MLIP: variants seen among roughly 807,000 people sequenced by gnomAD.
MLIP encodes muscular LMNA interacting protein.
A neutral mutation model predicts 84.8 loss-of-function variants in MLIP; 79 were observed. The ratio of observed to expected loss-of-function variants is 0.93; its 90% CI spans 0.78 to 1.12. The LOEUF is 1.12. MLIP is among the 50% of genes most tolerant of loss of function. The probability of loss-of-function intolerance (pLI) is 0.00; values close to 1 mark genes in which losing one functional copy is unlikely to be tolerated. For synonymous variants in MLIP, 504 were observed against 463.0 expected (o/e 1.09, Z -1.14); for missense variants, 1,257 against 1,160.6 (o/e 1.08, Z -1.21).
intron 5 of MLIP, among the ~76,000 whole-genome samples, chr6:54,156,679 A>G (rs1047220640): frequency 2.0e-5 from 3 of 152,082 alleles, no homozygotes; most frequent in African/African-American, 7.2e-5. Flanking sequence ...AAATCATATT[A>G]CTTCTATGAT....
chr6:54,096,446 GT>G (rs1768218354), intron 1 of MLIP, among the ~76,000 whole-genome samples: 1 of 152,022 alleles, frequency 6.6e-6, no homozygotes, highest in Non-Finnish European at 1.5e-5. Context: ...TGGTTGGCAG[GT>G]AGCATCCAAC....
rs905301066 is a variant in MLIP, at chr6:54,266,276, T to C, written c.*321T>C. The C allele has an allele frequency of 3.7e-6, 1 of 271,020 alleles. No homozygotes were observed. Among genetic ancestry groups the C allele is most frequent in the Non-Finnish European group, 6.8e-6 (1 of 146,590 alleles). The allele number at this position is 271,020 out of a possible 1,614,324, so 16.8% of individuals were successfully genotyped here. A position where few individuals can be genotyped will look rare whatever the true frequency, so the allele number is the denominator to read the frequency against. ...CAAATAAAGAAGAATCGTGGGTAAA[T>C]AGAAGAATGGCTGTGACTATTTTTC... is the stretch of plus-strand genomic sequence containing the variant. On this transcript the variant is annotated 3_prime_UTR_variant, in exon 14 of 14. Transcript: ENST00000502396.
chr6:54,190,914 G>A (rs1359146872), intron 10 of MLIP, among the ~76,000 whole-genome samples: 1 of 151,102 alleles, frequency 6.6e-6, no homozygotes, highest in Admixed American at 6.6e-5. Flanking sequence ...TCCTGCCTCA[G>A]CCTCCCGAGT....
At chr6:54,234,475 G>A (rs1405710829) in intron 12 of MLIP, among the ~76,000 whole-genome samples, 2 of 152,034 alleles carry the variant, frequency 1.3e-5, no homozygotes, top group Non-Finnish European at 2.9e-5. Context: ...CCCTTTGTAT[G>A]CAGAAGCCTA....
chr6:54,259,215 C>G (rs1783223173), intron 13 of MLIP, among the ~76,000 whole-genome samples: 2 of 151,674 alleles, frequency 1.3e-5, no homozygotes, highest in South Asian at 2.1e-4. Context: ...AAGTTAATAA[C>G]TTTTTGTCAA....
intron 1 of MLIP, among the ~76,000 whole-genome samples, chr6:54,049,426 C>T (rs1301294984): frequency 6.6e-6 from 1 of 152,150 alleles, no homozygotes; most frequent in Non-Finnish European, 1.5e-5. Flanking sequence ...TCACTTATTG[C>T]TGGTTCGTTA....
chr6:54,130,358 G>T (rs1379549351), intron 3 of MLIP, among the ~76,000 whole-genome samples: 2 of 152,070 alleles, frequency 1.3e-5, no homozygotes, highest in African/African-American at 4.8e-5. Flanking sequence ...TCAGAACTTG[G>T]CTGGGGAGGT....
chr6:54,133,583 T>A (rs973072007), intron 3 of MLIP, among the ~76,000 whole-genome samples: 1 of 152,200 alleles, frequency 6.6e-6, no homozygotes, highest in African/African-American at 2.4e-5. Context: ...TTCAAATGCT[T>A]TGAAATCTCA....
intron 1 of MLIP, among the ~76,000 whole-genome samples, chr6:54,041,716 A>G (rs528886767): frequency 3.3e-5 from 5 of 152,054 alleles, no homozygotes; most frequent in African/African-American, 4.8e-5. Context: ...TTCCATTTGT[A>G]TATCATTGCT....
chr6:54,217,917 G>A, intron 11 of MLIP: 3 of 985,364 alleles, frequency 3.0e-6, no homozygotes, highest in Non-Finnish European at 3.6e-6. Context: ...AAAGTATTAG[G>A]TACCAACCTC....
rs905335175 is a variant in MLIP at position 54,230,772 on chromosome 6, A to G, written c.2777A>G (p.Tyr926Cys). The change falls in exon 12 of 14, where the codon TAT becomes TGT. Residue 926 changes from tyrosine (Y) to cysteine (C), a missense_variant. Physicochemically the swap from Tyr to Cys is radical, Grantham distance 194. Transcript: ENST00000502396. ...CATCCTTTATATCAGACTAAACTCTATCCTCCTGCTAAGTCACTGCTGCAT... is the reference window on the plus strand; with the variant it reads ...CATCCTTTATATCAGACTAAACTCTGTCCTCCTGCTAAGTCACTGCTGCAT... Reference protein sequence around the residue: ...SLHPLYQTKLYPPAKSLLHPQ... With the variant: ...SLHPLYQTKLCPPAKSLLHPQ... The G allele has an allele frequency of 2.5e-6, 4 of 1,613,962 alleles. No individual in the cohort carries two copies. The highest frequency in any genetic ancestry group is 3.4e-6 in the Non-Finnish European group (4 of 1,180,004).
intron 9 of MLIP, among the ~76,000 whole-genome samples, chr6:54,174,540 A>T (rs954725530): frequency 2.6e-5 from 4 of 151,996 alleles, no homozygotes; most frequent in Non-Finnish European, 5.9e-5. Flanking sequence ...TGCCATTTGG[A>T]TGTTTCCTTT....
rs371403899 is a variant in MLIP at position 54,260,015 on chromosome 6, TAA to T, written c.2976+2659_2976+2660del. On this transcript the variant is annotated intron_variant, in intron 13 of 13. Transcript: ENST00000502396. ...ATTTCAGTTACAAACCCAGTGCAAA[TAA>T]AAAATTATGGAAAAGCCCTTGATGG... Among the ~76,000 whole-genome samples the T allele has an allele frequency of 1.4e-4, 22 of 151,970 alleles. 1 individual carries two copies. The highest frequency in any genetic ancestry group is 5.3e-4 in the African/African-American group (22 of 41,530).
chr6:54,225,750 T>A (rs1445691080), intron 11 of MLIP, among the ~76,000 whole-genome samples: 1 of 152,214 alleles, frequency 6.6e-6, no homozygotes, highest in African/African-American at 2.4e-5. Context: ...TTAAGTGCCA[T>A]CTTTATTAAA....
At chr6:54,087,233 T>C (rs987426568) in intron 1 of MLIP, among the ~76,000 whole-genome samples, 2 of 152,198 alleles carry the variant, frequency 1.3e-5, no homozygotes, top group African/African-American at 4.8e-5. Context: ...AACCTATAGC[T>C]GTGCCTCTTC....
chr6:54,204,923 C>T (rs1401920552), intron 11 of MLIP, among the ~76,000 whole-genome samples: 2 of 152,138 alleles, frequency 1.3e-5, no homozygotes, highest in African/African-American at 4.8e-5. Flanking sequence ...GAAGTAATAG[C>T]AGACAATGCA....
At chr6:54,033,860 C>T (rs1415070539) in intron 1 of MLIP, among the ~76,000 whole-genome samples, 2 of 152,154 alleles carry the variant, frequency 1.3e-5, no homozygotes, top group East Asian at 3.9e-4. Context: ...GTTTAGGCAT[C>T]ATGGAATGGA....
chr6:54,053,173 C>T (rs1171409656), intron 1 of MLIP, among the ~76,000 whole-genome samples: 2 of 152,106 alleles, frequency 1.3e-5, no homozygotes, highest in Non-Finnish European at 2.9e-5. Flanking sequence ...CCTAGGTATT[C>T]CTGGCTCTGA....
At chr6:54,250,256 TTGG>T (rs1018497178) in intron 12 of MLIP, among the ~76,000 whole-genome samples, 17 of 151,948 alleles carry the variant, frequency 1.1e-4, no homozygotes, top group African/African-American at 4.1e-4. Context: ...TTATACACTG[TTGG>T]TGGGAGTGCA....
Sources: gnomAD v4.1 joint callset for allele counts (sites outside exome capture counted in the v4.1 genomes callset) on GRCh38, gnomAD v4.1.1 for gene constraint, MANE v1.5 for transcripts, NCBI Gene and HGNC (gene_info 2026-07-23, HGNC 2026-07-21) for gene names.